The following ZNF136 variants were observed in gnomAD, a reference collection of about 807,000 sequenced individuals.
The protein encoded by ZNF136 is zinc finger protein 136 (clone pHZ-20).
A neutral mutation model predicts 11.4 loss-of-function variants in ZNF136; 8 were observed. The observed-to-expected ratio is 0.70, with a 90% CI of 0.41 to 1.27. ZNF136 has a LOEUF of 1.27. ZNF136 is among the 50% of genes most tolerant of loss of function. ZNF136 has a pLI of 0.01. For missense variants in ZNF136, 590 were observed against 656.5 expected, an observed-to-expected ratio of 0.90 and a Z score of 1.11; for synonymous variants, 190 against 207.1, an observed-to-expected ratio of 0.92 and a Z score of 0.71.
At chr19:12,171,520 C>T (rs915567537) in intron 1 of ZNF136, among the ~76,000 whole-genome samples, 1 of 152,122 alleles carries the variant, frequency 6.6e-6, no homozygotes, top group African/African-American at 2.4e-5. Flanking sequence ...TTTCAGTCAT[C>T]TTGTCACATT....
At chr19:12,172,059 GCCT>G (rs1914669061) in intron 1 of ZNF136, among the ~76,000 whole-genome samples, 1 of 149,276 alleles carries the variant, frequency 6.7e-6, no homozygotes, top group Non-Finnish European at 1.5e-5. Flanking sequence ...GCTCATTGCA[GCCT>G]TCGCCTCCTG....
At chr19:12,170,836 A>ATT (rs1195624356) in intron 1 of ZNF136, among the ~76,000 whole-genome samples, 4 of 133,798 alleles carry the variant, frequency 3.0e-5, no homozygotes, top group Non-Finnish European at 6.5e-5. Context: ...CACCCAGCTA[A>ATT]TTTTTTTTTT....
intron 1 of ZNF136, among the ~76,000 whole-genome samples, chr19:12,168,036 ATTTTTTTTTCTTTTCTTTTTCT>A (rs1914524733): frequency 3.4e-5 from 2 of 58,858 alleles, no homozygotes; most frequent in Admixed American, 1.7e-4. Context: ...ACAAATGCCC[ATTTTTTTTTCTTTTCTTTTTCT>A]TTTTTTTTTT....
Position 12,188,188 on chromosome 19 carries a change from A to T in ZNF136, c.*187A>T. 4.4e-6 allele frequency: 2 copies of T among 456,072 alleles called. No homozygotes were observed. The highest frequency in any genetic ancestry group is 7.4e-6 in the Non-Finnish European group (2 of 268,558). The allele number at this position is 456,072 out of a possible 1,614,324, so 28.3% of individuals were successfully genotyped here. A position where few individuals can be genotyped will look rare whatever the true frequency, so the allele number is the denominator to read the frequency against. ...AATCATTTTAGTTCCTTTCAAATAC[A>T]TGAAAGAACTCATCATGGAGAAAAC... On this transcript the variant is annotated 3_prime_UTR_variant, in exon 4 of 4. Transcript: ENST00000343979.
At chr19:12,171,306 A>G (rs1041070436) in intron 1 of ZNF136, among the ~76,000 whole-genome samples, 1 of 152,180 alleles carries the variant, frequency 6.6e-6, no homozygotes, top group Admixed American at 6.5e-5. Context: ...TACATTGGAA[A>G]AAAAAATCCC....
In ZNF136 at chr19:12,163,214, T is replaced by G; in HGVS notation, c.3+8T>G. ...CCCGGGAGTCAGGAAATGGTGAGTG[T>G]GTCGGGCCCTGCGTCCCGAGACAGG... On this transcript the variant is annotated splice_region_variant and intron_variant, in intron 1 of 3. Transcript: ENST00000343979. 1 of 1,387,000 alleles carries G rather than the reference T, an allele frequency of 7.2e-7. No homozygotes were observed. The highest frequency in any genetic ancestry group is 9.4e-7 in the Non-Finnish European group (1 of 1,061,478). The allele number at this position is 1,387,000 out of a possible 1,614,324, so 85.9% of individuals were successfully genotyped here. A position where few individuals can be genotyped will look rare whatever the true frequency, so the allele number is the denominator to read the frequency against.
chr19:12,173,322 A>G (rs1210926705), intron 1 of ZNF136, among the ~76,000 whole-genome samples: 8 of 152,120 alleles, frequency 5.3e-5, no homozygotes, highest in African/African-American at 1.9e-4. Flanking sequence ...TTGCAGTTCT[A>G]CGGGGTGTTC....
In ZNF136 at chr19:12,170,079, C is replaced by T. The variant is rs924077175; in HGVS notation, c.3+6873C>T. On this transcript the variant is annotated intron_variant, in intron 1 of 3. Coordinates refer to ENST00000343979, the MANE Select transcript of ZNF136 (RefSeq NM_003437.5). ...AAAGTGCTGGGATTACAGGCGTGAG[C>T]CACCACGCCCGGCCATTTTTTTGTA... is the stretch of plus-strand genomic sequence containing the variant. Among the ~76,000 whole-genome samples the T allele has an allele frequency of 7.4e-5, 11 of 148,872 alleles. No individual in the cohort carries two copies. In the East Asian group the frequency reaches 2.2e-3, roughly 30 times the overall value.
chr19:12,165,266 G>C (rs969619930), intron 1 of ZNF136, among the ~76,000 whole-genome samples: 14 of 152,126 alleles, frequency 9.2e-5, no homozygotes, highest in African/African-American at 3.4e-4. Flanking sequence ...GCACTATGGG[G>C]GTAGAGGGAT....
Position 12,187,690 on chromosome 19 carries a change from C to T in ZNF136, c.1312C>T (p.His438Tyr). 1 of 1,614,080 alleles carries T rather than the reference C, an allele frequency of 6.2e-7. No homozygotes were observed. The highest frequency in any genetic ancestry group is 8.5e-7 in the Non-Finnish European group (1 of 1,180,006). The change falls in exon 4 of 4, where the codon CAT (histidine) becomes TAT (tyrosine). Residue 438 changes from histidine to tyrosine, a missense_variant. By Grantham distance (83) the His-to-Tyr change is moderately conservative. Transcript: ENST00000343979. ...CGTTTCTTCAACATCAATTCGAATA[C>T]ATGAAAGAACTCATACTGGAGAGAA... The part of the protein sequence containing the change: ...AFVSSTSIRI[H>Y]ERTHTGEKPY...
intron 1 of ZNF136, among the ~76,000 whole-genome samples, chr19:12,168,481 G>A (rs1040301215): frequency 4.6e-5 from 7 of 151,978 alleles, no homozygotes; most frequent in Non-Finnish European, 8.8e-5. Flanking sequence ...GTTGGTGAAC[G>A]CAGTGATGTT....
chr19:12,184,665 A>G (rs1443603577), intron 1 of ZNF136: 1 of 152,176 alleles, frequency 6.6e-6, no homozygotes, highest in Non-Finnish European at 1.5e-5. Context: ...TCTTAGTATA[A>G]TAACAGAAGA....
At chr19:12,175,461 C>T (rs531097517) in intron 1 of ZNF136, among the ~76,000 whole-genome samples, 2 of 152,162 alleles carry the variant, frequency 1.3e-5, no homozygotes, top group African/African-American at 4.8e-5. Flanking sequence ...TCCCAAAGTG[C>T]TGGGATTACA....
chr19:12,163,280 G>A, intron 1 of ZNF136, 74 bp downstream of exon 1: 1 of 1,332,388 alleles, frequency 7.5e-7, no homozygotes, highest in Non-Finnish European at 9.7e-7. Flanking sequence ...GCTGTGGCGC[G>A]GCCCGGGCCT....
intron 3 of ZNF136, 101 bp downstream of exon 3, chr19:12,186,275 T>G (rs1915080940): frequency 8.1e-7 from 1 of 1,236,784 alleles, no homozygotes; most frequent in Admixed American, 2.9e-5. Flanking sequence ...AGCTTCAAAT[T>G]GATTTATTTT....
At chr19:12,175,072 C>T (rs756374197) in intron 1 of ZNF136, among the ~76,000 whole-genome samples, 1 of 151,850 alleles carries the variant, frequency 6.6e-6, no homozygotes, top group African/African-American at 2.4e-5. Flanking sequence ...TGACTAGCTC[C>T]AAGACAGAAA....
chr19:12,170,207 C>T (rs369296145), intron 1 of ZNF136, among the ~76,000 whole-genome samples: 13 of 152,134 alleles, frequency 8.5e-5, no homozygotes, highest in Admixed American at 4.6e-4. Context: ...GGATTACAGG[C>T]GTGAGCCACC....
rs748339404 is a variant in ZNF136 at position 12,187,977 on chromosome 19, T to A, written c.1599T>A (p.Tyr533Ter). The A allele has an allele frequency of 6.5e-6, 10 of 1,530,282 alleles. No homozygotes were observed. Among genetic ancestry groups the A allele is most frequent in the Non-Finnish European group, 8.7e-6 (10 of 1,144,234 alleles). The allele number at this position is 1,530,282 out of a possible 1,614,324, so 94.8% of individuals were successfully genotyped here. ...MLTHAEDGPP[Y>*]KCMWESL ...CACATGCTGAAGATGGACCACCTTA[T>A]AAATGCATGTGGGAAAGCCTTTAAT... The change falls in exon 4 of 4, where the codon TAT becomes TAA. Residue 533 changes from tyrosine (Y) to a stop codon, truncating the protein, a stop_gained. Coordinates refer to ENST00000343979, the MANE Select transcript of ZNF136 (RefSeq NM_003437.5). LOFTEE classifies it high-confidence loss of function.
intron 1 of ZNF136, among the ~76,000 whole-genome samples, chr19:12,183,300 C>T (rs1017127620): frequency 6.6e-6 from 1 of 151,612 alleles, no homozygotes; most frequent in Non-Finnish European, 1.5e-5. Flanking sequence ...GCAGGCTACA[C>T]GACTGGCTAA....
Sources: gnomAD v4.1 joint callset for allele counts (sites outside exome capture counted in the v4.1 genomes callset) on GRCh38, gnomAD v4.1.1 for gene constraint, MANE v1.5 for transcripts, NCBI Gene and HGNC (gene_info 2026-07-23, HGNC 2026-07-21) for gene names.